The following PPP1R12B variants were observed in gnomAD, a reference collection of about 807,000 sequenced individuals.
PPP1R12B encodes myosin phosphatase target subunit 2.
In PPP1R12B, 76 loss-of-function variants were observed where a neutral mutation model predicts 126.1. The ratio of observed to expected loss-of-function variants is 0.60; its 90% CI spans 0.50 to 0.73. The LOEUF is 0.73. PPP1R12B is among the 30% of genes least tolerant of loss of function. The pLI is 0.00. For synonymous variants in PPP1R12B, 356 were observed against 434.7 expected (o/e 0.82, Z 2.25); for missense variants, 1,052 against 1,205.1 (o/e 0.87, Z 1.88).
intron 19 of PPP1R12B, among the ~76,000 whole-genome samples, chr1:202,560,814 A>AT (rs1450572717): frequency 6.6e-6 from 1 of 152,200 alleles, no homozygotes; most frequent in Non-Finnish European, 1.5e-5. Context: ...ATCAAATTTA[A>AT]TTATATAAAA....
chr1:202,374,855 A>G (rs1327988549), intron 1 of PPP1R12B, among the ~76,000 whole-genome samples: 1 of 150,010 alleles, frequency 6.7e-6, no homozygotes, highest in Non-Finnish European at 1.5e-5. Context: ...CATCCACTTT[A>G]GTCCAAGTCA....
intron 12 of PPP1R12B, among the ~76,000 whole-genome samples, chr1:202,447,426 T>C (rs752118244): frequency 6.6e-6 from 1 of 152,226 alleles, no homozygotes; most frequent in Non-Finnish European, 1.5e-5. Context: ...ATTTTAGGTG[T>C]CCTGCAGACA....
intron 1 of PPP1R12B, among the ~76,000 whole-genome samples, chr1:202,350,705 C>T (rs1655794395): frequency 6.6e-6 from 1 of 151,774 alleles, no homozygotes; most frequent in Non-Finnish European, 1.5e-5. Context: ...ACTGCAACCT[C>T]TGCCTCTTGG....
intron 18 of PPP1R12B, among the ~76,000 whole-genome samples, chr1:202,501,103 G>A (rs558597939): frequency 1.3e-4 from 20 of 152,302 alleles, no homozygotes; most frequent in Admixed American, 7.2e-4. Context: ...GTTTATCCAC[G>A]TTAGGTATAT....
intron 23 of PPP1R12B, chr1:202,575,619 T>G (rs1689024380): frequency 6.5e-6 from 1 of 153,110 alleles, no homozygotes; most frequent in African/African-American, 2.4e-5. Context: ...GCAGGGGCTC[T>G]CAATCTTGGC....
intron 10 of PPP1R12B, chr1:202,438,797 C>T: frequency 1.3e-6 from 1 of 791,150 alleles, no homozygotes; most frequent in South Asian, 1.4e-5. Flanking sequence ...TCATCCAGGC[C>T]CTGGATCTTA....
At chr1:202,514,150 C>T (rs1681845335) in intron 18 of PPP1R12B, among the ~76,000 whole-genome samples, 1 of 151,588 alleles carries the variant, frequency 6.6e-6, no homozygotes, top group Non-Finnish European at 1.5e-5. Flanking sequence ...GATGGTATCT[C>T]ATTGTGGTTT....
chr1:202,540,107 G>A, intron 18 of PPP1R12B: 1 of 1,582,588 alleles, frequency 6.3e-7, no homozygotes, highest in Non-Finnish European at 8.6e-7. Context: ...GAAGAATCCA[G>A]TGGTTGAGTG....
chr1:202,452,574 G>A (rs1372866475), intron 13 of PPP1R12B, among the ~76,000 whole-genome samples: 1 of 151,888 alleles, frequency 6.6e-6, no homozygotes, highest in Non-Finnish European at 1.5e-5. Flanking sequence ...GGAGACGGGA[G>A]AGGAGGAGGG....
At chr1:202,509,427 C>G (rs1045455843) in intron 18 of PPP1R12B, among the ~76,000 whole-genome samples, 3 of 152,196 alleles carry the variant, frequency 2.0e-5, no homozygotes, top group African/African-American at 7.2e-5. Flanking sequence ...AGGAGAAAGT[C>G]TGAAATGGTT....
chr1:202,475,879 C>T (rs1357213603), intron 13 of PPP1R12B, among the ~76,000 whole-genome samples: 1 of 151,714 alleles, frequency 6.6e-6, no homozygotes, highest in Non-Finnish European at 1.5e-5. Context: ...CTCTGAAGAA[C>T]TTTTGTCGAT....
intron 13 of PPP1R12B, among the ~76,000 whole-genome samples, chr1:202,470,705 G>C (rs1426304539): frequency 6.6e-6 from 1 of 151,906 alleles, no homozygotes; most frequent in African/African-American, 2.4e-5. Flanking sequence ...ACAAGCCTAG[G>C]CAACATAGTG....
chr1:202,498,800 T>C (rs908646244), intron 18 of PPP1R12B, among the ~76,000 whole-genome samples: 1 of 152,176 alleles, frequency 6.6e-6, no homozygotes, highest in African/African-American at 2.4e-5. Flanking sequence ...GGGCATTCCA[T>C]TGAAATGGTG....
intron 18 of PPP1R12B, among the ~76,000 whole-genome samples, chr1:202,510,473 G>A (rs1297823671): frequency 6.6e-6 from 1 of 152,138 alleles, no homozygotes; most frequent in Non-Finnish European, 1.5e-5. Context: ...AGTGTTCCTA[G>A]AGGTATAATG....
At position 202,449,055 on chromosome 1, in the gene PPP1R12B, C is replaced by G. The variant is rs749747599; in HGVS notation, c.1734C>G (p.Thr578=). 4.3e-6 allele frequency: 7 copies of G among 1,613,754 alleles called. No homozygotes were observed. Among genetic ancestry groups the G allele is most frequent in the Non-Finnish European group, 5.9e-6 (7 of 1,179,858 alleles). Reference sequence around the variant, plus strand: ...CAGCAGACAATGTCTCTTCTAGCACCCCGCTCTGTGTGATCACCAATCGCC... The same window carrying G: ...CAGCAGACAATGTCTCTTCTAGCACGCCGCTCTGTGTGATCACCAATCGCC... ...EKTADNVSSS[T]PLCVITNRPL... is the part of the protein sequence containing the mutation. The change falls in exon 13 of 24, where the codon ACC becomes ACG. Residue 578 remains threonine, a synonymous_variant. Coordinates refer to ENST00000608999, the MANE Select transcript of PPP1R12B (RefSeq NM_002481.4).
chr1:202,564,408 G>A (rs374307601), intron 20 of PPP1R12B, 35 bp from the exon 21 acceptor site: 31 of 1,503,956 alleles, frequency 2.1e-5, no homozygotes, highest in Middle Eastern at 1.7e-4. Context: ...GAGTTCTAAC[G>A]CGAACGCTGA....
intron 18 of PPP1R12B, among the ~76,000 whole-genome samples, chr1:202,542,808 A>G (rs1358582042): frequency 6.6e-6 from 1 of 152,142 alleles, no homozygotes; most frequent in Non-Finnish European, 1.5e-5. Flanking sequence ...GATACTGGGA[A>G]GTTTCTGTGT....
Position 202,587,687 on chromosome 1 carries a change from G to A in PPP1R12B, c.*7127G>A, listed in dbSNP as rs1200807590. On this transcript the variant is annotated 3_prime_UTR_variant, in exon 24 of 24. Transcript: ENST00000608999. The stretch of plus-strand genomic sequence containing the variant: ...CCCAAAACCAGAGTTGAGAGTCGGA[G>A]TGCCAGTCGTCGGGGCCCACTATTC... 6.6e-6 allele frequency: 1 copy of A among 152,162 alleles called. No individual in the cohort carries two copies. The highest frequency in any genetic ancestry group is 1.5e-5 in the Non-Finnish European group (1 of 68,028). 9.4% of individuals were successfully genotyped at this position (152,162 alleles called of 1,614,324 possible). A position where few individuals can be genotyped will look rare whatever the true frequency, so the allele number is the denominator to read the frequency against.
chr1:202,540,382 G>A (rs1277256656), intron 18 of PPP1R12B: 9 of 579,156 alleles, frequency 1.6e-5, no homozygotes, highest in Non-Finnish European at 2.3e-5. Flanking sequence ...AAAATTGCAA[G>A]TAAAGACCCT....
Sources: allele counts gnomAD v4.1 joint callset (sites outside exome capture counted in the v4.1 genomes callset), GRCh38; gene constraint gnomAD v4.1.1; transcripts MANE v1.5; gene names NCBI Gene and HGNC (gene_info 2026-07-23, HGNC 2026-07-21).